Variants in SLC2A9 observed in about 807,000 individuals in gnomAD.
SLC2A9 encodes solute carrier family 2, facilitated glucose transporter member 9.
In SLC2A9, 39 loss-of-function variants were observed where a neutral mutation model predicts 50.6. That is an observed-to-expected ratio of 0.77 (90% CI 0.60 to 1.01). SLC2A9 has a LOEUF of 1.01. Ranked by LOEUF, SLC2A9 falls within the 50% of genes least tolerant of loss-of-function variation. SLC2A9 has a pLI of 0.00. For missense variants in SLC2A9, 686 were observed against 677.6 expected (o/e 1.01, Z -0.14); for synonymous variants, 324 against 276.9 (o/e 1.17, Z -1.69).
chr4:9,984,861 T>C (rs998459931), intron 4 of SLC2A9, among the ~76,000 whole-genome samples: 4 of 152,192 alleles, frequency 2.6e-5, no homozygotes, highest in African/African-American at 7.2e-5. Context: ...CCTCCCTGCA[T>C]ACTCGGCACA....
intron 3 of SLC2A9, among the ~76,000 whole-genome samples, chr4:9,994,622 C>G (rs566883989): frequency 4.1e-5 from 6 of 145,188 alleles, no homozygotes; most frequent in Non-Finnish European, 8.9e-5. Flanking sequence ...ACTTTCATTG[C>G]CCTCATTTTA....
chr4:9,955,972 T>C (rs557927382), intron 5 of SLC2A9, among the ~76,000 whole-genome samples: 1 of 136,406 alleles, frequency 7.3e-6, no homozygotes, highest in Non-Finnish European at 1.5e-5. Flanking sequence ...CTGCCTCCCA[T>C]GTTCAAGCGA....
At chr4:9,818,204 G>A (rs116346009) in intron 3 of SLC2A9, among the ~76,000 whole-genome samples, 135 of 149,980 alleles carry the variant, frequency 9.0e-4, no homozygotes, top group African/African-American at 3.0e-3. Flanking sequence ...CATCTGACAC[G>A]CTGTATGGGG....
At chr4:9,784,520 A>G (rs1272208673) in intron 3 of SLC2A9, among the ~76,000 whole-genome samples, 2 of 152,222 alleles carry the variant, frequency 1.3e-5, no homozygotes, top group Non-Finnish European at 2.9e-5. Context: ...TTAAATAGGC[A>G]TTTTCCTTAG....
intron 6 of SLC2A9, among the ~76,000 whole-genome samples, chr4:9,940,207 G>A (rs762950010): frequency 1.3e-5 from 2 of 152,150 alleles, no homozygotes; most frequent in African/African-American, 4.8e-5. Flanking sequence ...TCTAGAATCA[G>A]ATCCCCTTGG....
At chr4:10,020,039 AGTGTGT>A (rs112964589) in intron 1 of SLC2A9, among the ~76,000 whole-genome samples, 11,008 of 148,040 alleles carry the variant, frequency 0.074, 738 homozygotes, top group East Asian at 0.38. Context: ...CATATTTGTG[AGTGTGT>A]GTGTGTGTGT....
intron 10 of SLC2A9, among the ~76,000 whole-genome samples, chr4:9,842,298 G>C (rs982691663): frequency 8.5e-5 from 13 of 152,152 alleles, no homozygotes; most frequent in Admixed American, 8.5e-4. Context: ...CTGCTCATCT[G>C]AAAATCATAT....
chr4:9,795,341 T>C (rs1720470288), downstream of SLC2A9, among the ~76,000 whole-genome samples: 1 of 152,174 alleles, frequency 6.6e-6, no homozygotes, highest in Non-Finnish European at 1.5e-5. Flanking sequence ...AGACTGATGC[T>C]GTGAGGCTGC....
intron 10 of SLC2A9, among the ~76,000 whole-genome samples, chr4:9,869,113 C>T (rs1162568405): frequency 1.3e-5 from 2 of 152,170 alleles, no homozygotes; most frequent in African/African-American, 4.8e-5. Flanking sequence ...CAATAATGAT[C>T]TCATTTGACT....
chr4:9,820,822 G>C (rs907295778), intron 3 of SLC2A9, among the ~76,000 whole-genome samples: 1 of 152,152 alleles, frequency 6.6e-6, no homozygotes, highest in African/African-American at 2.4e-5. Context: ...TTTTAGTTCA[G>C]GTAGATTCTT....
At chr4:9,852,366 C>T (rs1322487669) in intron 10 of SLC2A9, among the ~76,000 whole-genome samples, 1 of 151,894 alleles carries the variant, frequency 6.6e-6, no homozygotes, top group African/African-American at 2.4e-5. Flanking sequence ...CATTCTCCTG[C>T]CTCAGCCTCC....
At chr4:10,001,371 G>A (rs1462199709) in intron 2 of SLC2A9, among the ~76,000 whole-genome samples, 1 of 152,150 alleles carries the variant, frequency 6.6e-6, no homozygotes, top group Non-Finnish European at 1.5e-5. Flanking sequence ...ACAGGCATGG[G>A]GAGAAGATGG....
chr4:9,858,633 C>T (rs1560201140), intron 10 of SLC2A9, among the ~76,000 whole-genome samples: 1 of 152,168 alleles, frequency 6.6e-6, no homozygotes, highest in Non-Finnish European at 1.5e-5. Context: ...CCCCGGCAAA[C>T]TACTGATGAG....
At chr4:9,888,400 C>T (rs1434161708) in intron 9 of SLC2A9, among the ~76,000 whole-genome samples, 1 of 151,814 alleles carries the variant, frequency 6.6e-6, no homozygotes, top group Non-Finnish European at 1.5e-5. Context: ...TGTACCCCTG[C>T]CATCTTGCAA....
chr4:9,833,855 C>T (rs1286125048), intron 11 of SLC2A9, among the ~76,000 whole-genome samples: 1 of 152,164 alleles, frequency 6.6e-6, no homozygotes, highest in African/African-American at 2.4e-5. Context: ...CCACCCAGCA[C>T]TGAGGGCAGC....
At chr4:9,950,384 C>A (rs75245282) in intron 5 of SLC2A9, among the ~76,000 whole-genome samples, 12,186 of 152,202 alleles carry the variant, frequency 0.08, 1,011 homozygotes, top group East Asian at 0.46. Flanking sequence ...ATAGAGCCCC[C>A]CCATGGGTCA....
chr4:9,988,684 T>C (rs1757159163), intron 3 of SLC2A9, among the ~76,000 whole-genome samples: 1 of 152,204 alleles, frequency 6.6e-6, no homozygotes, highest in Admixed American at 6.5e-5. Flanking sequence ...TGATTCATTG[T>C]TTTTAGCTTC....
At chr4:9,994,317 T>C (rs1163521273) in intron 3 of SLC2A9, among the ~76,000 whole-genome samples, 1 of 152,174 alleles carries the variant, frequency 6.6e-6, no homozygotes, top group African/African-American at 2.4e-5. Context: ...GGTCAATAGA[T>C]GGTAGCTTTC....
chr4:9,927,400 G>C (rs1028601318), intron 6 of SLC2A9, among the ~76,000 whole-genome samples: 4 of 152,222 alleles, frequency 2.6e-5, no homozygotes, highest in African/African-American at 9.6e-5. Flanking sequence ...ATCACCTCCT[G>C]CTAGAGCAAA....
Sources: allele counts gnomAD v4.1 joint callset (sites outside exome capture counted in the v4.1 genomes callset), GRCh38; gene constraint gnomAD v4.1.1; transcripts MANE v1.5; gene names NCBI Gene and HGNC (gene_info 2026-07-23, HGNC 2026-07-21).